The following TLE1 variants were observed in gnomAD, a reference collection of about 807,000 sequenced individuals.
TLE1 encodes the protein TLE family member 1, transcriptional corepressor.
TLE1 carries 21 observed loss-of-function variants against 89.8 expected under a neutral mutation model. That is an observed-to-expected ratio of 0.23 (90% confidence interval 0.17 to 0.34). The LOEUF (loss-of-function observed/expected upper bound fraction) is 0.34. Ranked by LOEUF, TLE1 falls within the 10% of genes least tolerant of loss-of-function variation. The probability of loss-of-function intolerance (pLI) is 1.00; values close to 1 mark genes in which losing one functional copy is unlikely to be tolerated. For missense variants in TLE1, 795 were observed against 1,031.2 expected, an observed-to-expected ratio of 0.77 and a Z score of 3.14; for synonymous variants, 447 against 407.6, an observed-to-expected ratio of 1.10 and a Z score of -1.16.
At chr9:81,686,681 G>A (rs1443048581) in intron 2 of TLE1, among the ~76,000 whole-genome samples, 7 of 152,160 alleles carry the variant, frequency 4.6e-5, no homozygotes, top group Non-Finnish European at 1.0e-4. Context: ...GTTCACTATT[G>A]GCAAAGTATT....
chr9:81,616,238 T>C (rs1038352864), intron 10 of TLE1, 104 bp from the exon 11 acceptor site: 2 of 1,449,206 alleles, frequency 1.4e-6, no homozygotes, highest in Non-Finnish European at 1.9e-6. Context: ...TGAAAGTCCT[T>C]CGGGTTGGGG....
Position 81,599,919 on chromosome 9 carries a change from C to T in TLE1, c.1332-6645G>A, listed in dbSNP as rs572238355. 39 of 501,344 alleles carry T rather than the reference C, an allele frequency of 7.8e-5. 1 individual carries two copies. In the South Asian group the frequency reaches 1.3e-3, roughly 16 times the overall value. The allele number at this position is 501,344 out of a possible 1,614,324, so 31.1% of individuals were successfully genotyped here. The stretch of plus-strand genomic sequence containing the variant: ...TATTTTCATTTATTTTTTTTAAAGG[C>T]AAATACAAAACTTCTTAAAATGGAT... On this transcript the variant is annotated intron_variant, in intron 14 of 19. Coordinates refer to ENST00000376499, the MANE Select transcript of TLE1 (RefSeq NM_005077.5).
chr9:81,682,913 C>T (rs1833803267), intron 4 of TLE1, among the ~76,000 whole-genome samples: 1 of 152,104 alleles, frequency 6.6e-6, no homozygotes, highest in Non-Finnish European at 1.5e-5. Flanking sequence ...ATTGCCTTTT[C>T]GGTAACCCGC....
chr9:81,667,579 T>C lies in TLE1; in HGVS notation c.235-13543A>G, dbSNP rs1005225405. 5.3e-5 allele frequency among the ~76,000 whole-genome samples: 8 copies of C among 151,946 alleles called. No homozygotes were observed. The East Asian group carries it at 1.4e-3, about 26-fold the overall frequency. ...TGAGCAACTTCTTAGGGAAAACAGC[T>C]CTCTACAAGGAGATCTAGGCCCCCA... is the stretch of plus-strand genomic sequence containing the variant. On this transcript the variant is annotated intron_variant, in intron 4 of 19. Coordinates refer to ENST00000376499, the MANE Select transcript of TLE1 (RefSeq NM_005077.5).
At chr9:81,588,933 G>A (rs1275236125) in intron 16 of TLE1, among the ~76,000 whole-genome samples, 1 of 152,166 alleles carries the variant, frequency 6.6e-6, no homozygotes, top group Non-Finnish European at 1.5e-5. Context: ...AAGAGTGCAA[G>A]GGAAGGAAAA....
At chr9:81,606,257 C>T (rs1157256769) in intron 14 of TLE1, among the ~76,000 whole-genome samples, 1 of 152,162 alleles carries the variant, frequency 6.6e-6, no homozygotes, top group Non-Finnish European at 1.5e-5. Context: ...TTGACCCAGC[C>T]ATCCCATTAC....
chr9:81,599,615 G>T (rs1830658881), intron 14 of TLE1, among the ~76,000 whole-genome samples: 1 of 152,166 alleles, frequency 6.6e-6, no homozygotes, highest in African/African-American at 2.4e-5. Context: ...GACTTTAGAA[G>T]AAAGTATAAT....
At chr9:81,591,511 C>G (rs960025446) in intron 15 of TLE1, among the ~76,000 whole-genome samples, 4 of 152,162 alleles carry the variant, frequency 2.6e-5, no homozygotes, top group Non-Finnish European at 5.9e-5. Flanking sequence ...CTCAAGTTGT[C>G]ATGTGGCTGC....
chr9:81,667,452 A>C (rs1320836604), intron 4 of TLE1, among the ~76,000 whole-genome samples: 1 of 152,196 alleles, frequency 6.6e-6, no homozygotes, highest in East Asian at 1.9e-4. Context: ...ACACATTTAA[A>C]TCTTCAGCCA....
chr9:81,671,384 T>C (rs1280996296), intron 4 of TLE1, among the ~76,000 whole-genome samples: 1 of 151,928 alleles, frequency 6.6e-6, no homozygotes, highest in East Asian at 2.0e-4. Flanking sequence ...TGGTGGCTCA[T>C]ACCTGTAATC....
intron 4 of TLE1, among the ~76,000 whole-genome samples, chr9:81,677,245 C>A (rs1247262003): frequency 4.8e-5 from 7 of 144,938 alleles, no homozygotes; most frequent in African/African-American, 1.8e-4. Flanking sequence ...TTCCCCCCCC[C>A]AAAAAAAAGA....
chr9:81,673,274 A>T (rs1410023439), intron 4 of TLE1, among the ~76,000 whole-genome samples: 8 of 62,054 alleles, frequency 1.3e-4, no homozygotes, highest in African/African-American at 4.7e-4. Flanking sequence ...ACTTCATTTA[A>T]AAAAAAAAAA....
At chr9:81,633,318 T>A (rs1826937062) in intron 8 of TLE1, 30 bp downstream of exon 8, 1 of 1,442,542 alleles carries the variant, frequency 6.9e-7, no homozygotes, top group Admixed American at 2.1e-5. Flanking sequence ...TGTGTGTGTG[T>A]GTGTGTGCAG....
At chr9:81,663,735 G>A (rs1020702028) in intron 4 of TLE1, among the ~76,000 whole-genome samples, 2 of 149,644 alleles carry the variant, frequency 1.3e-5, no homozygotes, top group East Asian at 2.0e-4. Context: ...CCATTCTCAC[G>A]CCTGCCTCAG....
intron 13 of TLE1, among the ~76,000 whole-genome samples, chr9:81,610,665 G>T (rs941893341): frequency 4.6e-5 from 7 of 151,996 alleles, no homozygotes; most frequent in Non-Finnish European, 8.8e-5. Flanking sequence ...CTTTGTTAGG[G>T]GCCGTCCTGG....
chr9:81,620,427 C>CT lies in TLE1; in HGVS notation c.711+13dup. 6.3e-7 allele frequency: 1 copy of CT among 1,590,370 alleles called. No individual in the cohort carries two copies. The highest frequency in any genetic ancestry group is 1.1e-5 in the South Asian group (1 of 89,004). Reference sequence around the variant, plus strand: ...AAGCAAACAAATATTATTTCAAGTCCTTTAATTACTTACATAGTGGCTGGA... The same window carrying CT: ...AAGCAAACAAATATTATTTCAAGTCCTTTTAATTACTTACATAGTGGCTGGA... On this transcript the variant is annotated intron_variant, in intron 9 of 19. Coordinates refer to ENST00000376499, the MANE Select transcript of TLE1 (RefSeq NM_005077.5).
At chr9:81,623,617 TAAAAAA>T (rs751545706) in intron 8 of TLE1, among the ~76,000 whole-genome samples, 11 of 44,518 alleles carry the variant, frequency 2.5e-4, no homozygotes, top group Non-Finnish European at 4.5e-4. Context: ...CATCTGTACT[TAAAAAA>T]AAAAAAAAAA....
intron 5 of TLE1, among the ~76,000 whole-genome samples, chr9:81,653,041 A>G (rs1046112899): frequency 6.6e-6 from 1 of 152,170 alleles, no homozygotes; most frequent in Admixed American, 6.6e-5. Context: ...AAACAAAGCC[A>G]TAAATTTACT....
At chr9:81,599,895 A>G (rs1830688732) in intron 14 of TLE1, 2 of 514,718 alleles carry the variant, frequency 3.9e-6, no homozygotes, top group Non-Finnish European at 7.0e-6. Context: ...CATACACTCT[A>G]TTTTCATTTA....
Sources: gnomAD v4.1 joint callset for allele counts (sites outside exome capture counted in the v4.1 genomes callset) on GRCh38, gnomAD v4.1.1 for gene constraint, MANE v1.5 for transcripts, NCBI Gene and HGNC (gene_info 2026-07-23, HGNC 2026-07-21) for gene names.